Variants in NEMP1 observed in about 807,000 individuals in gnomAD.
NEMP1 encodes the protein transmembrane protein 194.
NEMP1 carries 29 observed loss-of-function variants against 53.7 expected under a neutral mutation model. That is an observed-to-expected ratio of 0.54 (90% confidence interval 0.40 to 0.74). The LOEUF is 0.74. NEMP1 is among the 30% of genes least tolerant of loss of function. The pLI is 0.00. For synonymous variants in NEMP1, 193 were observed against 192.9 expected (o/e 1.00, Z 0.00); for missense variants, 477 against 528.6 (o/e 0.90, Z 0.96).
At chr12:57,074,974 C>T (rs538863069) in intron 1 of NEMP1, among the ~76,000 whole-genome samples, 2 of 152,138 alleles carry the variant, frequency 1.3e-5, no homozygotes, top group African/African-American at 2.4e-5. Context: ...CCTGTAATCG[C>T]AGCTTCTTGG....
rs1229773085 is a variant in NEMP1 at position 57,055,994 on chromosome 12, C to G, written c.*3885G>C. On this transcript the variant is annotated 3_prime_UTR_variant, in exon 9 of 9. Transcript: ENST00000300128. ...TTTGTTATGTTGTCATAAGAATGTGCTCATGCTATAGGCAAATTCAGAGGT... is the reference window on the plus strand; with the variant it reads ...TTTGTTATGTTGTCATAAGAATGTGGTCATGCTATAGGCAAATTCAGAGGT... 1 of 152,172 alleles carries G rather than the reference C, an allele frequency of 6.6e-6. No homozygotes were observed. Among genetic ancestry groups the G allele is most frequent in the Non-Finnish European group, 1.5e-5 (1 of 68,032 alleles). 9.4% of individuals were successfully genotyped at this position (152,172 alleles called of 1,614,324 possible). A position where few individuals can be genotyped will look rare whatever the true frequency, so the allele number is the denominator to read the frequency against.
In NEMP1 at chr12:57,063,272, CTTCG is replaced by C; in HGVS notation, c.823_826del (p.Arg275ValfsTer5). The stretch of plus-strand genomic sequence containing the variant: ...CAAGGTCCAGGTCAGCAGGTTGATA[CTTCG>C]TTCATTCTCCAAGGGCCCATACTTG... On this transcript the variant is annotated frameshift_variant, in exon 7 of 9. Coordinates refer to ENST00000300128, the MANE Select transcript of NEMP1 (RefSeq NM_001130963.2). LOFTEE classifies it high-confidence loss of function. 6.2e-7 allele frequency: 1 copy of C among 1,614,192 alleles called. No individual in the cohort carries two copies.
intron 1 of NEMP1, among the ~76,000 whole-genome samples, chr12:57,083,894 C>T (rs1453042290): frequency 6.6e-6 from 1 of 152,242 alleles, no homozygotes; most frequent in African/African-American, 2.4e-5. Context: ...ATGCCTCCAC[C>T]TCCCGAGTAG....
rs765226580 is a variant in NEMP1, at chr12:57,072,928, G to T, written c.128-16C>A. 7 of 1,594,334 alleles carry T rather than the reference G, an allele frequency of 4.4e-6. No individual in the cohort carries two copies. Among genetic ancestry groups the T allele is most frequent in the Non-Finnish European group, 6.0e-6 (7 of 1,169,794 alleles). On this transcript the variant is annotated splice_polypyrimidine_tract_variant and intron_variant, in intron 1 of 8. Coordinates refer to ENST00000300128, the MANE Select transcript of NEMP1 (RefSeq NM_001130963.2). ...TCAGTTTCAGCTTTATGCAAAGAAA[G>T]GAAACAAGAATTAAACATAACAAGC...
At chr12:57,078,462 C>T (rs2032732808) in intron 1 of NEMP1, among the ~76,000 whole-genome samples, 157 bp downstream of exon 1, 2 of 152,190 alleles carry the variant, frequency 1.3e-5, no homozygotes, top group Admixed American at 6.5e-5. Flanking sequence ...CCGACGCCCA[C>T]TAGCCTGCCA....
chr12:57,063,879 AG>A (rs142304163), intron 6 of NEMP1, among the ~76,000 whole-genome samples, 191 bp downstream of exon 6: 5,829 of 152,352 alleles, frequency 0.038, 122 homozygotes, highest in Middle Eastern at 0.078. Flanking sequence ...TCGCCTTAAC[AG>A]CACCATTCTA....
intron 1 of NEMP1, among the ~76,000 whole-genome samples, chr12:57,085,694 C>T (rs2032970287): frequency 1.3e-5 from 2 of 152,236 alleles, no homozygotes. Flanking sequence ...CCAGCCAGGA[C>T]TTCGGCCTAC....
At chr12:57,064,550 T>C in intron 5 of NEMP1, 96 bp downstream of exon 5, 1 of 873,824 alleles carries the variant, frequency 1.1e-6, no homozygotes, top group Non-Finnish European at 1.8e-6. Context: ...TCATCAGCCA[T>C]CAATACACAT....
chr12:57,067,166 T>C (rs1466484084), intron 4 of NEMP1, among the ~76,000 whole-genome samples: 8 of 151,590 alleles, frequency 5.3e-5, no homozygotes, highest in African/African-American at 1.7e-4. Context: ...CTACTAAAAA[T>C]ACAAAAAATT....
At position 57,078,647 on chromosome 12, in the gene NEMP1, G is replaced by A. The variant is rs762864439; in HGVS notation, c.99C>T (p.Ile33=). The change falls in exon 1 of 9, where the codon ATC becomes ATT. Residue 33 remains isoleucine (I), a synonymous_variant. Transcript: ENST00000300128. ...TGCCGTAGACCAAGCAGCCGGAGAG[G>A]ATCAAGAGTAGCCGCACTGTCCCAC... is the stretch of plus-strand genomic sequence containing the variant. ...GGGGTVRLLL[I]LSGCLVYGTA... is the part of the protein sequence containing the mutation. The A allele has an allele frequency of 2.5e-6, 4 of 1,613,244 alleles. No individual in the cohort carries two copies. The highest frequency in any genetic ancestry group is 3.4e-6 in the Non-Finnish European group (4 of 1,179,598).
chr12:57,083,547 T>G (rs756165475), upstream of NEMP1, among the ~76,000 whole-genome samples: 1 of 152,238 alleles, frequency 6.6e-6, no homozygotes, highest in Non-Finnish European at 1.5e-5. Flanking sequence ...TGAAAGATAG[T>G]ATGGTGCATA....
At chr12:57,077,556 T>C (rs1417970464) in intron 1 of NEMP1, among the ~76,000 whole-genome samples, 2 of 152,108 alleles carry the variant, frequency 1.3e-5, no homozygotes, top group Non-Finnish European at 2.9e-5. Context: ...GGGAAAATTA[T>C]TGTACTACAA....
At chr12:57,088,361 C>T (rs1426253873), upstream of NEMP1, among the ~76,000 whole-genome samples, 1 of 152,190 alleles carries the variant, frequency 6.6e-6, no homozygotes, top group African/African-American at 2.4e-5. Context: ...CAGATTATTC[C>T]ATTGGGGCTG....
intron 7 of NEMP1, among the ~76,000 whole-genome samples, chr12:57,061,708 A>G (rs1459417964): frequency 2.8e-5 from 4 of 145,384 alleles, no homozygotes; most frequent in Non-Finnish European, 4.5e-5. Context: ...AAAAAAAAAA[A>G]CAAAAAAAAA....
rs142878235 is a variant in NEMP1, at chr12:57,058,034, G to T, written c.*1845C>A. On this transcript the variant is annotated 3_prime_UTR_variant, in exon 9 of 9. Coordinates refer to ENST00000300128, the MANE Select transcript of NEMP1 (RefSeq NM_001130963.2). ...TTGTAGAGAGAGAACATTTTACCATGTACATAATTCACAAGGGTATAAAGG... is the reference window on the plus strand; with the variant it reads ...TTGTAGAGAGAGAACATTTTACCATTTACATAATTCACAAGGGTATAAAGG... The T allele has an allele frequency of 6.6e-6, 1 of 152,342 alleles. No homozygotes were observed. Among genetic ancestry groups the T allele is most frequent in the African/African-American group, 2.4e-5 (1 of 41,582 alleles). The allele number at this position is 152,342 out of a possible 1,614,324, so 9.4% of individuals were successfully genotyped here. A position where few individuals can be genotyped will look rare whatever the true frequency, so the allele number is the denominator to read the frequency against.
At position 57,083,826 on chromosome 12, in the gene NEMP1, T is replaced by C. The variant is rs527788813; in HGVS notation, n.113+4125A>G. Among the ~76,000 whole-genome samples the C allele has an allele frequency of 2.6e-5, 4 of 152,352 alleles. No individual in the cohort carries two copies. In the East Asian group the frequency reaches 7.7e-4, roughly 29 times the overall value. ...TTTGCTTTTATCGCCCAGGCCAGAG[T>C]GCAATGGCGTGATCTCAGCTTGCTG... is the stretch of plus-strand genomic sequence containing the variant. On this transcript the variant is annotated intron_variant and non_coding_transcript_variant, in intron 1 of 2. Transcript: ENST00000553654.
At chr12:57,087,112 C>A (rs996190252) in intron 1 of NEMP1, among the ~76,000 whole-genome samples, 6 of 152,244 alleles carry the variant, frequency 3.9e-5, no homozygotes, top group Admixed American at 2.0e-4. Flanking sequence ...CCGAGCACCC[C>A]CTCTCCCAGG....
intron 1 of NEMP1, among the ~76,000 whole-genome samples, chr12:57,076,550 G>A (rs549482268): frequency 6.6e-6 from 1 of 152,266 alleles, no homozygotes; most frequent in Admixed American, 6.5e-5. Context: ...GCTCACGCCT[G>A]TAATCCCAGC....
chr12:57,078,695 G>C lies in NEMP1; in HGVS notation c.51C>G (p.Pro17=). Residue 17 remains proline (P), a synonymous_variant, in exon 1 of 9, where the codon CCC becomes CCG. Coordinates refer to ENST00000300128, the MANE Select transcript of NEMP1 (RefSeq NM_001130963.2). ...CACCGCCCCCGACTCCCGAGCCCCA[G>C]GGCCCGGGACCAACTGCCGGCGAGA... ...VAVSPAVGPG[P]WGSGVGGGGT... 1 of 1,613,558 alleles carries C rather than the reference G, an allele frequency of 6.2e-7. No individual in the cohort carries two copies. The highest frequency in any genetic ancestry group is 1.3e-5 in the African/African-American group (1 of 75,030).
Sources: gnomAD v4.1 joint callset for allele counts (sites outside exome capture counted in the v4.1 genomes callset) on GRCh38, gnomAD v4.1.1 for gene constraint, MANE v1.5 for transcripts, NCBI Gene and HGNC (gene_info 2026-07-23, HGNC 2026-07-21) for gene names.